Variants in CYP3A43 observed in about 807,000 individuals in gnomAD.
CYP3A43 encodes cytochrome P450 3A43.
Under a neutral mutation model 58.0 loss-of-function variants are expected in CYP3A43, and 45 were observed. The observed-to-expected ratio is 0.78, with a 90% CI of 0.61 to 0.99. The LOEUF (loss-of-function observed/expected upper bound fraction) is 0.99. Among genes scored for constraint, CYP3A43 ranks in the 50% least tolerant of loss-of-function variants. The pLI, the probability that CYP3A43 is intolerant of heterozygous loss-of-function variation, is 0.00. For missense variants in CYP3A43, 593 were observed against 591.9 expected, an observed-to-expected ratio of 1.00 and a Z score of -0.02; for synonymous variants, 191 against 201.4, an observed-to-expected ratio of 0.95 and a Z score of 0.44.
chr7:99,833,757 C>T (rs796305117), intron 1 of CYP3A43, among the ~76,000 whole-genome samples: 2 of 152,176 alleles, frequency 1.3e-5, no homozygotes, highest in South Asian at 2.1e-4. Flanking sequence ...TTTCTTCTAC[C>T]GGCAGCAGCT....
chr7:99,833,378 G>A (rs1180675985), intron 1 of CYP3A43, among the ~76,000 whole-genome samples: 1 of 152,160 alleles, frequency 6.6e-6, no homozygotes, highest in Non-Finnish European at 1.5e-5. Flanking sequence ...AACAAACACA[G>A]TTATTCAATT....
chr7:99,861,615 A>G lies in CYP3A43; in HGVS notation c.1029A>G (p.Ala343=), dbSNP rs760111846. Residue 343 remains alanine, a splice_region_variant and synonymous_variant, in exon 11 of 13, where the codon GCA becomes GCG. Transcript: ENST00000354829. Reference sequence around the variant, plus strand: ...CAAATCTGTTTCTTTCTTCCCAGGCACCTGTCACCTACGATGCCCTGGTAC... The same window carrying G: ...CAAATCTGTTTCTTTCTTCCCAGGCGCCTGTCACCTACGATGCCCTGGTAC... The part of the protein sequence containing the change: ...EEIDAVLPNK[A]PVTYDALVQM... 8.7e-6 allele frequency: 14 copies of G among 1,613,684 alleles called. No homozygotes were observed. The highest frequency in any genetic ancestry group is 1.3e-5 in the African/African-American group (1 of 75,034).
chr7:99,860,613 G>T (rs1232230237), intron 10 of CYP3A43, among the ~76,000 whole-genome samples: 1 of 152,194 alleles, frequency 6.6e-6, no homozygotes, highest in African/African-American at 2.4e-5. Context: ...CTGGCCTTGG[G>T]GCTGGCCCTG....
chr7:99,859,098 T>C (rs17161971), intron 9 of CYP3A43, among the ~76,000 whole-genome samples: 9,685 of 152,206 alleles, frequency 0.064, 968 homozygotes, highest in African/African-American at 0.21. Context: ...TTTTGAAGAC[T>C]AGTGCCCTAG....
intron 4 of CYP3A43, among the ~76,000 whole-genome samples, chr7:99,845,393 G>A (rs28395410): frequency 0.027 from 4,077 of 151,984 alleles, 184 homozygotes; most frequent in African/African-American, 0.093. Context: ...CGCGATCTCA[G>A]TTCACTGCAA....
At chr7:99,841,576 T>C (rs1817335054) in intron 3 of CYP3A43, among the ~76,000 whole-genome samples, 1 of 152,168 alleles carries the variant, frequency 6.6e-6, no homozygotes, top group African/African-American at 2.4e-5. Context: ...TTTTGTATTT[T>C]TAGTAGAGAC....
chr7:99,849,847 C>T lies in CYP3A43; in HGVS notation c.670+153C>T, dbSNP rs535679174. ...TTGGTACATTTAAAGATATGCACAA[C>T]CAACATCATTGTTAACTTCTGGACA... On this transcript the variant is annotated intron_variant, in intron 7 of 12. Coordinates refer to ENST00000354829, the MANE Select transcript of CYP3A43 (RefSeq NM_057095.3). 1.7e-4 allele frequency: 135 copies of T among 816,400 alleles called. 1 individual carries two copies. The Middle Eastern group carries it at 3.4e-3, about 20-fold the overall frequency. 50.6% of individuals were successfully genotyped at this position (816,400 alleles called of 1,614,324 possible). A position where few individuals can be genotyped will look rare whatever the true frequency, so the allele number is the denominator to read the frequency against.
intron 9 of CYP3A43, among the ~76,000 whole-genome samples, chr7:99,858,846 C>T (rs532784306): frequency 2.1e-4 from 32 of 152,082 alleles, no homozygotes; most frequent in Admixed American, 1.1e-3. Context: ...GTGCCCACCA[C>T]CACACCCAGT....
chr7:99,839,189 C>G lies in CYP3A43; in HGVS notation c.218+17C>G. 1 of 1,613,906 alleles carries G rather than the reference C, an allele frequency of 6.2e-7. No homozygotes were observed. Among genetic ancestry groups the G allele is most frequent in the Non-Finnish European group, 8.5e-7 (1 of 1,179,860 alleles). On this transcript the variant is annotated intron_variant, in intron 3 of 12. Transcript: ENST00000354829. Reference sequence around the variant, plus strand: ...AATGTGGGGGTGAGTATTCTGGAAACTTGCATTGGATAGAGCTGTTGCTAT... The same window carrying G: ...AATGTGGGGGTGAGTATTCTGGAAAGTTGCATTGGATAGAGCTGTTGCTAT...
At position 99,838,972 on chromosome 7, in the gene CYP3A43, GA is replaced by G. The variant is rs4646470; in HGVS notation, c.166-138del. The G allele has an allele frequency of 2.1e-3, 1,812 of 847,354 alleles. 1 individual carries two copies. Among genetic ancestry groups the G allele is most frequent in the Non-Finnish European group, 2.4e-3 (1,357 of 565,968 alleles). 52.5% of individuals were successfully genotyped at this position (847,354 alleles called of 1,614,324 possible). Reference sequence around the variant, plus strand: ...TCCAGCCTGGGCAGCAGAAAAAAAGGAAAAAAAAAAGATTCCCTCTAACTGC... The same window carrying G: ...TCCAGCCTGGGCAGCAGAAAAAAAGGAAAAAAAAAGATTCCCTCTAACTGC... On this transcript the variant is annotated intron_variant, in intron 2 of 12. Coordinates refer to ENST00000354829, the MANE Select transcript of CYP3A43 (RefSeq NM_057095.3).
rs546092883 is a variant in CYP3A43, at chr7:99,864,719, T to G, written c.1416+1020T>G. Among the ~76,000 whole-genome samples, 17 of 148,902 alleles carry G rather than the reference T, an allele frequency of 1.1e-4. 2 individuals are homozygous for G. The South Asian group carries it at 2.9e-3, about 25-fold the overall frequency. ...CCATTGCAGGCATTCCACACATGTT[T>G]AAGGAGTGAGTTTCAGTTGATTTGG... is the stretch of plus-strand genomic sequence containing the variant. On this transcript the variant is annotated intron_variant, in intron 12 of 12. Coordinates refer to ENST00000354829, the MANE Select transcript of CYP3A43 (RefSeq NM_057095.3).
chr7:99,843,377 C>T (rs909504186), intron 3 of CYP3A43, among the ~76,000 whole-genome samples: 2 of 152,020 alleles, frequency 1.3e-5, no homozygotes, highest in African/African-American at 4.8e-5. Context: ...AATCAAGGCT[C>T]CAGTCTCTGT....
intron 3 of CYP3A43, among the ~76,000 whole-genome samples, chr7:99,842,839 A>G (rs1288916731): frequency 6.6e-6 from 1 of 152,218 alleles, no homozygotes; most frequent in Non-Finnish European, 1.5e-5. Context: ...TCTCACAAGG[A>G]CGTTCCTTAT....
intron 7 of CYP3A43, chr7:99,849,907 A>T (rs1396040515): frequency 1.6e-6 from 1 of 620,988 alleles, no homozygotes; most frequent in African/African-American, 1.9e-5. Context: ...TTGTAAACTC[A>T]GAAACCACAT....
intron 3 of CYP3A43, among the ~76,000 whole-genome samples, chr7:99,843,469 A>T (rs1039598678): frequency 2.7e-4 from 41 of 151,308 alleles, no homozygotes; most frequent in Middle Eastern, 6.8e-3. Context: ...TGTTTATTTT[A>T]TTTTTTTTTA....
At chr7:99,849,408 G>C (rs1817660446) in intron 6 of CYP3A43, 138 bp from the exon 7 acceptor site, 2 of 1,000,596 alleles carry the variant, frequency 2.0e-6, no homozygotes, top group Non-Finnish European at 2.8e-6. Context: ...AGTATGATGG[G>C]AGATGATGCA....
rs1014693670 is a variant in CYP3A43 at position 99,853,556 on chromosome 7, A to C, written c.671-2035A>C. ...TTGATGATATTTTCTTTTGTGGTAAAATTTGAGCTTTTTTTTTGAGATGGA... is the reference window on the plus strand; with the variant it reads ...TTGATGATATTTTCTTTTGTGGTAACATTTGAGCTTTTTTTTTGAGATGGA... On this transcript the variant is annotated intron_variant, in intron 7 of 12. Coordinates refer to ENST00000354829, the MANE Select transcript of CYP3A43 (RefSeq NM_057095.3). Among the ~76,000 whole-genome samples, 17 of 152,006 alleles carry C rather than the reference A, an allele frequency of 1.1e-4. No homozygotes were observed. The South Asian group carries it at 1.3e-3, about 11-fold the overall frequency.
chr7:99,861,771 G>A lies in CYP3A43; in HGVS notation c.1185G>A (p.Met395Ile). The change falls in exon 11 of 13, where the codon ATG (methionine) becomes ATA (isoleucine). Residue 395 changes from methionine (M) to isoleucine (I), a missense_variant. Met to Ile is a conservative substitution (Grantham distance 10). Transcript: ENST00000354829. ...TCATTCCCAAAGGGTTAGCAGTGATGGTTCCAATCTATGCTCTTCACCATG... is the reference window on the plus strand; with the variant it reads ...TCATTCCCAAAGGGTTAGCAGTGATAGTTCCAATCTATGCTCTTCACCATG... ...GVFIPKGLAVMVPIYALHHDP... is the reference protein window; with the variant it reads ...GVFIPKGLAVIVPIYALHHDP... 6.2e-7 allele frequency: 1 copy of A among 1,614,078 alleles called. No homozygotes were observed. The highest frequency in any genetic ancestry group is 8.5e-7 in the Non-Finnish European group (1 of 1,179,996).
rs145434154 is a variant in CYP3A43 at position 99,860,267 on chromosome 7, A to G, written c.1026+277A>G. On this transcript the variant is annotated intron_variant, in intron 10 of 12. Transcript: ENST00000354829. ...AAGTAAAAAATATCCAGAAATCTCA[A>G]TGACAACTAAAAACAATCATTTATT... is the stretch of plus-strand genomic sequence containing the variant. Among the ~76,000 whole-genome samples, 639 of 152,320 alleles carry G rather than the reference A, an allele frequency of 4.2e-3. 4 individuals carry two copies. Among genetic ancestry groups the G allele is most frequent in the African/African-American group, 0.014 (595 of 41,552 alleles).
Sources: gnomAD v4.1 joint callset for allele counts (sites outside exome capture counted in the v4.1 genomes callset) on GRCh38, gnomAD v4.1.1 for gene constraint, MANE v1.5 for transcripts, NCBI Gene and HGNC (gene_info 2026-07-23, HGNC 2026-07-21) for gene names.